The following LRRIQ4 variants were observed in gnomAD, a reference collection of about 807,000 sequenced individuals.
LRRIQ4 encodes the protein leucine rich repeats and IQ motif containing 4.
LRRIQ4 carries 21 observed loss-of-function variants against 40.1 expected under a neutral mutation model. That is an observed-to-expected ratio of 0.52 (90% CI 0.37 to 0.75). The LOEUF is 0.75. Among genes scored for constraint, LRRIQ4 ranks in the 30% least tolerant of loss-of-function variants. The pLI is 0.00. For missense variants in LRRIQ4, 655 were observed against 660.0 expected, an observed-to-expected ratio of 0.99 and a Z score of 0.08; for synonymous variants, 277 against 277.1, an observed-to-expected ratio of 1.00 and a Z score of 0.00.
chr3:169,825,047 G>A (rs1384600490), intron 2 of LRRIQ4, among the ~76,000 whole-genome samples: 1 of 128,948 alleles, frequency 7.8e-6, no homozygotes, highest in African/African-American at 2.9e-5. Flanking sequence ...TCGCTCTGTT[G>A]CCCAGGCTGG....
intron 3 of LRRIQ4, among the ~76,000 whole-genome samples, chr3:169,829,196 T>G (rs1167733280): frequency 6.6e-6 from 1 of 152,198 alleles, no homozygotes; most frequent in East Asian, 1.9e-4. Flanking sequence ...TTGCAGAAAT[T>G]GAGTCATAAC....
At chr3:169,835,815 G>A (rs1032990274) in intron 5 of LRRIQ4, among the ~76,000 whole-genome samples, 3 of 152,168 alleles carry the variant, frequency 2.0e-5, no homozygotes, top group African/African-American at 7.2e-5. Context: ...CAAGGACCAA[G>A]CATGTTCCTG....
intron 2 of LRRIQ4, among the ~76,000 whole-genome samples, chr3:169,827,606 CAAAAAAAAAAAAAAA>C (rs59524627): frequency 1.3e-5 from 1 of 77,524 alleles, no homozygotes; most frequent in Non-Finnish European, 2.4e-5. Flanking sequence ...GACTCCGTCT[CAAAAAAAAAAAAAAA>C]AAAAAAAAAG....
rs142107848 is a variant in LRRIQ4, at chr3:169,821,100, C to T, written c.-31-791C>T. On this transcript the variant is annotated intron_variant, in intron 1 of 5. Coordinates refer to ENST00000340806, the MANE Select transcript of LRRIQ4 (RefSeq NM_001080460.3). ...GCCATCAGGCATGAGAGGGTCTACTCACGGGTCTCTAGTTATTTAGAAAAG... is the reference window on the plus strand; with the variant it reads ...GCCATCAGGCATGAGAGGGTCTACTTACGGGTCTCTAGTTATTTAGAAAAG... Among the ~76,000 whole-genome samples the T allele has an allele frequency of 1.7e-3, 257 of 152,320 alleles. 1 individual carries two copies. Among genetic ancestry groups the T allele is most frequent in the African/African-American group, 5.9e-3 (247 of 41,582 alleles).
chr3:169,832,934 G>A, intron 4 of LRRIQ4, 53 bp from the exon 5 acceptor site: 1 of 1,498,252 alleles, frequency 6.7e-7, no homozygotes, highest in Non-Finnish European at 9.1e-7. Context: ...TAGGTGACAA[G>A]TTAATATTGT....
intron 5 of LRRIQ4, among the ~76,000 whole-genome samples, chr3:169,835,013 G>A (rs975224366): frequency 3.3e-5 from 5 of 151,824 alleles, no homozygotes; most frequent in African/African-American, 1.2e-4. Context: ...CATAAATATT[G>A]ATGATTATTA....
At chr3:169,832,443 C>T (rs1037637841) in intron 4 of LRRIQ4, among the ~76,000 whole-genome samples, 9 of 147,762 alleles carry the variant, frequency 6.1e-5, no homozygotes, top group African/African-American at 2.0e-4. Flanking sequence ...ACTCCAGCCT[C>T]GGTGACAGAG....
At chr3:169,826,387 C>T (rs1230892185) in intron 2 of LRRIQ4, among the ~76,000 whole-genome samples, 7 of 147,660 alleles carry the variant, frequency 4.7e-5, no homozygotes, top group East Asian at 3.9e-4. Flanking sequence ...AGTGAAACTC[C>T]GCCTCAAAAA....
chr3:169,829,287 G>T (rs191711344), intron 3 of LRRIQ4, among the ~76,000 whole-genome samples: 6 of 152,264 alleles, frequency 3.9e-5, no homozygotes, highest in Admixed American at 2.0e-4. Context: ...TCATACAAGT[G>T]ACATGCTGGG....
intron 1 of LRRIQ4, among the ~76,000 whole-genome samples, chr3:169,818,101 G>A (rs1779803340): frequency 6.6e-6 from 1 of 152,134 alleles, no homozygotes; most frequent in Non-Finnish European, 1.5e-5. Flanking sequence ...CCCTCCATGA[G>A]CACCACCTGA....
intron 3 of LRRIQ4, 132 bp downstream of exon 3, chr3:169,829,064 G>T: frequency 2.5e-6 from 2 of 792,684 alleles, no homozygotes; most frequent in Non-Finnish European, 3.9e-6. Flanking sequence ...CTTCAGACAA[G>T]CAATCATTTT....
At chr3:169,837,278 A>G (rs999989422) in intron 5 of LRRIQ4, among the ~76,000 whole-genome samples, 3 of 152,272 alleles carry the variant, frequency 2.0e-5, no homozygotes, top group East Asian at 3.8e-4. Flanking sequence ...GCACTGGCAC[A>G]TAAAAACAAT....
At chr3:169,813,730 A>G (rs1385902119) in intron 1 of LRRIQ4, among the ~76,000 whole-genome samples, 1 of 152,144 alleles carries the variant, frequency 6.6e-6, no homozygotes, top group Non-Finnish European at 1.5e-5. Context: ...CCACTCCCAC[A>G]CTGTGGAGTA....
intron 1 of LRRIQ4, among the ~76,000 whole-genome samples, chr3:169,821,332 AT>A (rs371457928): frequency 1.1e-4 from 17 of 151,398 alleles, no homozygotes; most frequent in African/African-American, 3.1e-4. Flanking sequence ...CAGAATAGGC[AT>A]TTTTTTTTAA....
intron 5 of LRRIQ4, among the ~76,000 whole-genome samples, chr3:169,835,364 C>CTT (rs56344833): frequency 2.0e-5 from 3 of 146,396 alleles, no homozygotes; most frequent in South Asian, 2.2e-4. Flanking sequence ...TTGTCTTTTT[C>CTT]TGTGTGTGTG....
intron 2 of LRRIQ4, among the ~76,000 whole-genome samples, chr3:169,828,526 G>A (rs955218388): frequency 3.9e-5 from 6 of 152,174 alleles, no homozygotes; most frequent in African/African-American, 7.2e-5. Flanking sequence ...AAACCACCGC[G>A]CCCAGCCACA....
chr3:169,827,407 AC>A (rs1321631449), intron 2 of LRRIQ4, among the ~76,000 whole-genome samples: 7 of 152,026 alleles, frequency 4.6e-5, no homozygotes, highest in African/African-American at 1.7e-4. Flanking sequence ...GGAGATCGAG[AC>A]CATCCTGGCT....
intron 4 of LRRIQ4, among the ~76,000 whole-genome samples, chr3:169,832,762 A>G (rs560112503): frequency 6.6e-6 from 1 of 152,142 alleles, no homozygotes; most frequent in South Asian, 2.1e-4. Context: ...AACATTTGGA[A>G]TATCTGGAGA....
intron 4 of LRRIQ4, among the ~76,000 whole-genome samples, chr3:169,831,104 C>T (rs1473265163): frequency 1.3e-5 from 2 of 151,930 alleles, no homozygotes; most frequent in Non-Finnish European, 2.9e-5. Flanking sequence ...CTTAAATAGC[C>T]AAACATTTTC....
Sources: allele counts gnomAD v4.1 joint callset (sites outside exome capture counted in the v4.1 genomes callset), GRCh38; gene constraint gnomAD v4.1.1; transcripts MANE v1.5; gene names NCBI Gene and HGNC (gene_info 2026-07-23, HGNC 2026-07-21).